Variants in VAV2 observed in about 807,000 individuals in gnomAD.
VAV2 encodes guanine nucleotide exchange factor VAV2.
In VAV2, 67 loss-of-function variants were observed where a neutral mutation model predicts 132.5. The ratio of observed to expected loss-of-function variants is 0.51; its 90% CI spans 0.42 to 0.62. VAV2 has a LOEUF of 0.62. Among genes scored for constraint, VAV2 ranks in the 20% least tolerant of loss-of-function variants. The pLI is 0.00. For missense variants in VAV2, 938 were observed against 1,153.6 expected, an observed-to-expected ratio of 0.81 and a Z score of 2.71; for synonymous variants, 492 against 443.5, an observed-to-expected ratio of 1.11 and a Z score of -1.37.
intron 2 of VAV2, among the ~76,000 whole-genome samples, chr9:133,905,741 T>C (rs958453054): frequency 1.3e-5 from 2 of 151,884 alleles, no homozygotes; most frequent in Admixed American, 6.5e-5. Context: ...GCAGCACAGA[T>C]GAGGCTCCTA....
At chr9:133,988,822 C>G (rs1037900850) in intron 1 of VAV2, among the ~76,000 whole-genome samples, 3 of 152,184 alleles carry the variant, frequency 2.0e-5, no homozygotes, top group East Asian at 3.9e-4. Flanking sequence ...AATCCCACCA[C>G]TTTGGGAGGC....
At chr9:133,916,415 C>T (rs1564463532) in intron 2 of VAV2, among the ~76,000 whole-genome samples, 1 of 152,198 alleles carries the variant, frequency 6.6e-6, no homozygotes, top group Non-Finnish European at 1.5e-5. Context: ...TGGGTGCCAA[C>T]GAGGGCCCGG....
At chr9:133,878,487 G>A (rs909631983) in intron 2 of VAV2, among the ~76,000 whole-genome samples, 9 of 152,178 alleles carry the variant, frequency 5.9e-5, no homozygotes, top group African/African-American at 1.2e-4. Flanking sequence ...TGGGGGCAGC[G>A]GCACCCGCAA....
At chr9:133,959,610 C>G (rs1841900690) in intron 1 of VAV2, among the ~76,000 whole-genome samples, 1 of 152,190 alleles carries the variant, frequency 6.6e-6, no homozygotes. Flanking sequence ...GCACCACGTC[C>G]CCTATCTTGT....
intron 1 of VAV2, among the ~76,000 whole-genome samples, chr9:133,941,462 T>G (rs533411145): frequency 6.6e-6 from 1 of 152,034 alleles, no homozygotes; most frequent in South Asian, 2.1e-4. Flanking sequence ...TAATTTTAAG[T>G]TAAATTTTAA....
rs146302726 is a variant in VAV2, at chr9:133,836,604, G to A, written c.381-2264C>T. On this transcript the variant is annotated intron_variant, in intron 3 of 29. Transcript: ENST00000371850. ...GCAAAGTATTAATGTGCTTTCTCAC[G>A]TAGAATGTAGAGAGGGAAGAGAAAA... is the stretch of plus-strand genomic sequence containing the variant. Among the ~76,000 whole-genome samples, 1,213 of 152,310 alleles carry A rather than the reference G, an allele frequency of 8.0e-3. 32 individuals are homozygous for A. Among genetic ancestry groups the A allele is most frequent in the Admixed American group, 0.053 (811 of 15,298 alleles).
rs1196524595 is a variant in VAV2, at chr9:133,804,894, G to A, written c.836+1187C>T. Among the ~76,000 whole-genome samples the A allele has an allele frequency of 1.3e-5, 2 of 152,152 alleles. No homozygotes were observed. Among genetic ancestry groups the A allele is most frequent in the Non-Finnish European group, 2.9e-5 (2 of 68,010 alleles). On this transcript the variant is annotated intron_variant, in intron 9 of 29. Transcript: ENST00000371850. This position sits in a 1 kb window ranked among gnomAD's most constrained non-coding sequence, Gnocchi z 4.5. The stretch of plus-strand genomic sequence containing the variant: ...AGCTCTCCTGGTCCCCTCTGCCACT[G>A]GACCACAAGCACTGCCTGCTCCCTC...
At chr9:133,953,691 G>A (rs1163893063) in intron 1 of VAV2, among the ~76,000 whole-genome samples, 1 of 152,128 alleles carries the variant, frequency 6.6e-6, no homozygotes, top group Non-Finnish European at 1.5e-5. Flanking sequence ...GGGACAGGGG[G>A]CTCAGGCACA....
chr9:133,916,471 G>A (rs1387254327), intron 2 of VAV2, among the ~76,000 whole-genome samples: 1 of 152,212 alleles, frequency 6.6e-6, no homozygotes, highest in Non-Finnish European at 1.5e-5. Context: ...CACCATCCCA[G>A]AGCCTGGCTC....
At chr9:133,801,197 G>C (rs1312264556) in intron 9 of VAV2, among the ~76,000 whole-genome samples, 10 of 152,318 alleles carry the variant, frequency 6.6e-5, no homozygotes, top group East Asian at 1.9e-4. Context: ...GGTTGGGGGT[G>C]GGGGGAATGG....
chr9:133,917,303 C>T (rs908725673), intron 2 of VAV2, among the ~76,000 whole-genome samples: 2 of 152,150 alleles, frequency 1.3e-5, no homozygotes, highest in African/African-American at 4.8e-5. Context: ...AATGGTGGAG[C>T]CCAATGGATT....
chr9:133,952,967 C>T (rs1482138062), intron 1 of VAV2, among the ~76,000 whole-genome samples: 1 of 149,494 alleles, frequency 6.7e-6, no homozygotes, highest in East Asian at 2.0e-4. Flanking sequence ...GGAGCATGGC[C>T]CCCGGGACAC....
intron 13 of VAV2, 137 bp from the exon 14 acceptor site, chr9:133,789,480 T>C: frequency 3.9e-6 from 3 of 764,810 alleles, no homozygotes; most frequent in Non-Finnish European, 6.6e-6. Flanking sequence ...AAACAGCCCC[T>C]GTGGCTCCCA....
intron 1 of VAV2, among the ~76,000 whole-genome samples, chr9:133,968,153 TTAACGA>T (rs1426133206): frequency 6.6e-6 from 1 of 151,900 alleles, no homozygotes; most frequent in East Asian, 1.9e-4. Flanking sequence ...AGGATTACAG[TTAACGA>T]TAACTTCTTG....
chr9:133,949,924 C>A (rs1258783720), intron 1 of VAV2, among the ~76,000 whole-genome samples: 1 of 152,204 alleles, frequency 6.6e-6, no homozygotes, highest in Admixed American at 6.5e-5. Context: ...ACAGTCTGCT[C>A]CTGTGCAGCC....
chr9:133,814,735 C>A (rs1835491934), intron 4 of VAV2, among the ~76,000 whole-genome samples: 1 of 152,200 alleles, frequency 6.6e-6, no homozygotes, highest in Non-Finnish European at 1.5e-5. Context: ...ACTCAGGAGC[C>A]TGTTCATAAA....
At chr9:133,950,341 C>G (rs983084086) in intron 1 of VAV2, among the ~76,000 whole-genome samples, 1 of 152,128 alleles carries the variant, frequency 6.6e-6, no homozygotes, top group African/African-American at 2.4e-5. Context: ...GCACCCGCCT[C>G]CAGTCCACAG....
chr9:133,834,515 C>G lies in VAV2; in HGVS notation c.381-175G>C, dbSNP rs1293757033. On this transcript the variant is annotated intron_variant, in intron 3 of 29. Coordinates refer to ENST00000371850, the MANE Select transcript of VAV2 (RefSeq NM_001134398.2). This position sits in a 1 kb window ranked among gnomAD's most constrained non-coding sequence, Gnocchi z 5.9. The stretch of plus-strand genomic sequence containing the variant: ...ACACTGATCGGAGTCACAGGACGAG[C>G]CAACTGGGCCATAGGGCAAGAGGAG... 6.6e-6 allele frequency among the ~76,000 whole-genome samples: 1 copy of G among 152,252 alleles called. No homozygotes were observed. Among genetic ancestry groups the G allele is most frequent in the African/African-American group, 2.4e-5 (1 of 41,474 alleles).
chr9:133,856,718 G>A (rs73663863), intron 3 of VAV2, among the ~76,000 whole-genome samples: 3,198 of 152,228 alleles, frequency 0.021, 109 homozygotes, highest in African/African-American at 0.072. Context: ...CTTTCAGGAG[G>A]TGCCGGGGAG....
Sources: allele counts gnomAD v4.1 joint callset (sites outside exome capture counted in the v4.1 genomes callset), GRCh38; gene constraint gnomAD v4.1.1; non-coding constraint Gnocchi (gnomAD v3.1); transcripts MANE v1.5; gene names NCBI Gene and HGNC (gene_info 2026-07-23, HGNC 2026-07-21).